The following PRTG variants were observed in gnomAD, a reference collection of about 807,000 sequenced individuals.
The protein encoded by PRTG is immunoglobulin superfamily, DCC subclass, member 5.
A neutral mutation model predicts 122.5 loss-of-function variants in PRTG; 67 were observed. The ratio of observed to expected loss-of-function variants is 0.55; its 90% CI spans 0.45 to 0.67. The LOEUF is 0.67. PRTG is among the 30% of genes least tolerant of loss of function. The pLI, the probability that PRTG is intolerant of heterozygous loss-of-function variation, is 0.00. For synonymous variants in PRTG, 554 were observed against 501.1 expected (o/e 1.11, Z -1.41); for missense variants, 1,435 against 1,415.4 (o/e 1.01, Z -0.22).
intron 11 of PRTG, among the ~76,000 whole-genome samples, chr15:55,651,779 G>A (rs902086621): frequency 3.9e-5 from 6 of 152,128 alleles, no homozygotes; most frequent in African/African-American, 9.7e-5. Flanking sequence ...CAAGCAGGTC[G>A]GGGTTAGATA....
Position 55,615,203 on chromosome 15 carries a change from A to C in PRTG, c.*4809T>G, listed in dbSNP as rs1037216521. On this transcript the variant is annotated 3_prime_UTR_variant, in exon 20 of 20. Coordinates refer to ENST00000389286, the MANE Select transcript of PRTG (RefSeq NM_173814.6). ...GAAATAGATTTTTCCCTAAAGCCTC[A>C]AAAAGAAACAGCCCTGCAAGCGCCT... The C allele has an allele frequency of 2.6e-4, 40 of 152,196 alleles. No individual in the cohort carries two copies. Among genetic ancestry groups the C allele is most frequent in the African/African-American group, 9.1e-4 (38 of 41,560 alleles). The allele number at this position is 152,196 out of a possible 1,614,324, so 9.4% of individuals were successfully genotyped here. A position where few individuals can be genotyped will look rare whatever the true frequency, so the allele number is the denominator to read the frequency against.
chr15:55,717,915 A>G (rs1339739532), intron 2 of PRTG, among the ~76,000 whole-genome samples: 1 of 152,200 alleles, frequency 6.6e-6, no homozygotes, highest in African/African-American at 2.4e-5. Flanking sequence ...ATGGACGCGC[A>G]TGAAAGTTGG....
intron 2 of PRTG, among the ~76,000 whole-genome samples, chr15:55,696,837 A>G (rs1421772479): frequency 6.6e-6 from 1 of 152,184 alleles, no homozygotes; most frequent in African/African-American, 2.4e-5. Context: ...CATGAAATAC[A>G]TTTTGCTTTT....
chr15:55,742,247 C>T (rs958943007), intron 1 of PRTG: 11 of 152,394 alleles, frequency 7.2e-5, no homozygotes, highest in African/African-American at 2.7e-4. Context: ...CTGCCAATTC[C>T]ACCCTCCCAT....
At chr15:55,621,562 G>A (rs758694193) in intron 18 of PRTG, among the ~76,000 whole-genome samples, 2 of 151,024 alleles carry the variant, frequency 1.3e-5, no homozygotes, top group Non-Finnish European at 2.9e-5. Flanking sequence ...GGGAGGCTGA[G>A]GCAGGAGAAT....
chr15:55,679,141 TAA>T (rs777763802), intron 7 of PRTG, 143 bp downstream of exon 7: 48 of 570,548 alleles, frequency 8.4e-5, no homozygotes, highest in Admixed American at 5.3e-4. Flanking sequence ...GATAATGTTA[TAA>T]GTCTTAATTT....
Position 55,614,929 on chromosome 15 carries a change from T to C in PRTG, c.*5083A>G, listed in dbSNP as rs1231487657. 1 of 152,024 alleles carries C rather than the reference T, an allele frequency of 6.6e-6. No individual in the cohort carries two copies. The highest frequency in any genetic ancestry group is 2.4e-5 in the African/African-American group (1 of 41,396). 9.4% of individuals were successfully genotyped at this position (152,024 alleles called of 1,614,324 possible). On this transcript the variant is annotated 3_prime_UTR_variant, in exon 20 of 20. Coordinates refer to ENST00000389286, the MANE Select transcript of PRTG (RefSeq NM_173814.6). ...TCCATGCCCAAATCCCTGGAACCAG[T>C]GAATATGTTACCAAACATAGCAAAA... is the stretch of plus-strand genomic sequence containing the variant.
At chr15:55,722,626 T>G (rs535977837) in intron 2 of PRTG, among the ~76,000 whole-genome samples, 1 of 152,078 alleles carries the variant, frequency 6.6e-6, no homozygotes, top group Admixed American at 6.5e-5. Context: ...AGATTAGGCT[T>G]GTAGTTTCCA....
At chr15:55,658,733 T>C (rs975000981) in intron 11 of PRTG, among the ~76,000 whole-genome samples, 1 of 152,222 alleles carries the variant, frequency 6.6e-6, no homozygotes, top group Admixed American at 6.5e-5. Flanking sequence ...AAAAGTTGTA[T>C]ATTAATTTAC....
intron 2 of PRTG, among the ~76,000 whole-genome samples, chr15:55,705,240 G>A (rs1356433476): frequency 6.6e-6 from 1 of 152,128 alleles, no homozygotes; most frequent in Non-Finnish European, 1.5e-5. Context: ...CAGTACTAAT[G>A]CTAATCTAGG....
intron 2 of PRTG, among the ~76,000 whole-genome samples, chr15:55,726,957 A>C (rs973249028): frequency 2.0e-5 from 3 of 151,804 alleles, no homozygotes; most frequent in Non-Finnish European, 4.4e-5. Context: ...TCTCAAAAAA[A>C]AAAAAAAGAA....
At chr15:55,681,895 A>C (rs1055677611) in intron 4 of PRTG, among the ~76,000 whole-genome samples, 1 of 152,220 alleles carries the variant, frequency 6.6e-6, no homozygotes, top group Non-Finnish European at 1.5e-5. Flanking sequence ...GCACATCTGT[A>C]AATTCAACCA....
At chr15:55,620,453 TC>T (rs2059160054) in intron 19 of PRTG, among the ~76,000 whole-genome samples, 187 bp from the exon 20 acceptor site, 1 of 152,106 alleles carries the variant, frequency 6.6e-6, no homozygotes, top group South Asian at 2.1e-4. Context: ...CTGACCCTAC[TC>T]CCCACTGAAA....
intron 7 of PRTG, 82 bp from the exon 8 acceptor site, chr15:55,678,126 C>T (rs1268625479): frequency 1.3e-6 from 1 of 779,140 alleles, no homozygotes; most frequent in Non-Finnish European, 2.0e-6. Flanking sequence ...TAAATATACT[C>T]TCATTTTATT....
Position 55,624,423 on chromosome 15 carries a change from T to A in PRTG, c.3012A>T (p.Val1004=). Residue 1004 remains valine, a synonymous_variant, in exon 18 of 20, where the codon GTA becomes GTT. Coordinates refer to ENST00000389286, the MANE Select transcript of PRTG (RefSeq NM_173814.6). ...CTACAGCTCCTTCCAGGTTCTTTCC[T>A]ACCTCATTTCCACTAGCTAAGGAGG... ...TSASLASGNE[V]GKNLEGAVGN... The A allele has an allele frequency of 2.5e-6, 4 of 1,614,040 alleles. No individual in the cohort carries two copies. The highest frequency in any genetic ancestry group is 2.2e-5 in the South Asian group (2 of 91,080).
At chr15:55,722,593 T>C (rs974534975) in intron 2 of PRTG, among the ~76,000 whole-genome samples, 5 of 152,004 alleles carry the variant, frequency 3.3e-5, no homozygotes, top group African/African-American at 1.2e-4. Flanking sequence ...AACAGAGAGG[T>C]GAAGTTGAGA....
chr15:55,710,518 G>A (rs1235363055), intron 2 of PRTG, among the ~76,000 whole-genome samples: 2 of 152,196 alleles, frequency 1.3e-5, no homozygotes, highest in Admixed American at 1.3e-4. Flanking sequence ...CCTGAAAGAT[G>A]TGGATCTGGA....
chr15:55,635,091 GTGTGTGTGTGTGTT>G (rs1294147829), intron 15 of PRTG, among the ~76,000 whole-genome samples: 26 of 151,894 alleles, frequency 1.7e-4, no homozygotes, highest in Admixed American at 6.6e-4. Context: ...GTGTGTGTGT[GTGTGTGTGTGTGTT>G]TTTTGAGACA....
At chr15:55,645,727 C>A (rs2059318598) in intron 11 of PRTG, among the ~76,000 whole-genome samples, 1 of 152,138 alleles carries the variant, frequency 6.6e-6, no homozygotes, top group African/African-American at 2.4e-5. Context: ...AGGGCCAACA[C>A]TGTAAAATGC....
Sources: gnomAD v4.1 joint callset for allele counts (sites outside exome capture counted in the v4.1 genomes callset) on GRCh38, gnomAD v4.1.1 for gene constraint, MANE v1.5 for transcripts, NCBI Gene and HGNC (gene_info 2026-07-23, HGNC 2026-07-21) for gene names.